Variants in CELF2 observed in about 807,000 individuals in gnomAD.
The protein encoded by CELF2 is CUG triplet repeat RNA-binding protein 2.
Under a neutral mutation model 62.6 loss-of-function variants are expected in CELF2, and 8 were observed. The observed-to-expected ratio is 0.13, with a 90% CI of 0.07 to 0.23. The LOEUF (loss-of-function observed/expected upper bound fraction) is 0.23, where lower values mean the gene tolerates loss of function less well. CELF2 is among the 10% of genes least tolerant of loss of function. The probability of loss-of-function intolerance (pLI) is 1.00; values close to 1 mark genes in which losing one functional copy is unlikely to be tolerated. For missense variants in CELF2, 333 were observed against 671.0 expected (o/e 0.50, Z 5.56); for synonymous variants, 258 against 250.0 (o/e 1.03, Z -0.30).
chr10:11,189,899 T>C lies in CELF2; in HGVS notation c.271+24217T>C, dbSNP rs1330565002. ...TCCAGGTCTTCCATAAACCATTCTGTTCTTTCTCCTCTCATTCCCTTCATT... is the reference window on the plus strand; with the variant it reads ...TCCAGGTCTTCCATAAACCATTCTGCTCTTTCTCCTCTCATTCCCTTCATT... On this transcript the variant is annotated intron_variant, in intron 2 of 12. Coordinates refer to ENST00000633077, the MANE Select transcript of CELF2 (RefSeq NM_001326342.2). 3.3e-5 allele frequency among the ~76,000 whole-genome samples: 5 copies of C among 152,216 alleles called. No individual in the cohort carries two copies. In the East Asian group the frequency reaches 7.7e-4, roughly 23 times the overall value.
intron 1 of CELF2, among the ~76,000 whole-genome samples, chr10:10,860,035 T>A (rs999608296): frequency 6.6e-6 from 1 of 152,126 alleles, no homozygotes; most frequent in Non-Finnish European, 1.5e-5. Flanking sequence ...AATAAATCCA[T>A]TACATGTTAA....
chr10:10,959,146 A>G (rs1237130170), intron 2 of CELF2, among the ~76,000 whole-genome samples: 1 of 152,096 alleles, frequency 6.6e-6, no homozygotes, highest in Non-Finnish European at 1.5e-5. Flanking sequence ...GCTACCAAGC[A>G]TGGTGGTAGC....
In CELF2 at chr10:11,227,225, T is replaced by C. The variant is rs2066938621; in HGVS notation, c.354+9718T>C. Among the ~76,000 whole-genome samples, 2 of 152,210 alleles carry C rather than the reference T, an allele frequency of 1.3e-5. No individual in the cohort carries two copies. The highest frequency in any genetic ancestry group is 4.1e-4 in the South Asian group (2 of 4,826). On this transcript the variant is annotated intron_variant, in intron 3 of 12. Transcript: ENST00000633077. The surrounding 1 kb of genome is among the most constrained non-coding windows in gnomAD (Gnocchi z 4.8). ...GGAGGCCTTTAGAAAGGAACTGTTC[T>C]ACCCTGTTGTTTTACTAATGAGGAA...
chr10:10,706,819 G>A, the CELF2 span, among the ~76,000 whole-genome samples: 8 of 152,208 alleles, frequency 5.3e-5, no homozygotes, highest in African/African-American at 1.4e-4. Flanking sequence ...AACTTTAAAC[G>A]CTCTAGTTTT....
intron 1 of CELF2, among the ~76,000 whole-genome samples, chr10:10,808,750 A>G (rs1463040083): frequency 6.6e-6 from 1 of 152,176 alleles, no homozygotes; most frequent in African/African-American, 2.4e-5. Flanking sequence ...ACAGAAAATT[A>G]TTTTTATGAG....
the CELF2 span, among the ~76,000 whole-genome samples, chr10:10,679,247 C>G: frequency 6.6e-6 from 1 of 151,974 alleles, no homozygotes; most frequent in Non-Finnish European, 1.5e-5. Context: ...GGCAGTAGCC[C>G]CTGAGTAATA....
chr10:10,620,053 G>A, the CELF2 span, among the ~76,000 whole-genome samples: 2 of 152,198 alleles, frequency 1.3e-5, no homozygotes, highest in African/African-American at 4.8e-5. Context: ...GAGATGAAAG[G>A]AAATGAATTC....
chr10:10,512,580 T>A, the CELF2 span, among the ~76,000 whole-genome samples: 1 of 128,426 alleles, frequency 7.8e-6, no homozygotes, highest in Non-Finnish European at 1.8e-5. Flanking sequence ...CCCGGCTAAC[T>A]TTTTTTGTAT....
intron 3 of CELF2, among the ~76,000 whole-genome samples, chr10:11,245,820 T>C (rs2075419214): frequency 6.6e-6 from 1 of 152,210 alleles, no homozygotes; most frequent in African/African-American, 2.4e-5. Flanking sequence ...CCCTCTTCAG[T>C]GAGTGAAGCA....
At chr10:10,540,363 G>C in the CELF2 span, among the ~76,000 whole-genome samples, 1 of 152,162 alleles carries the variant, frequency 6.6e-6, no homozygotes, top group Non-Finnish European at 1.5e-5. Flanking sequence ...CTGGGTTCCA[G>C]GCTCCAAAAT....
At chr10:11,048,825 A>AGT (rs1564515555) in intron 1 of CELF2, among the ~76,000 whole-genome samples, 1 of 152,214 alleles carries the variant, frequency 6.6e-6, no homozygotes, top group South Asian at 2.1e-4. Context: ...AAAACTCCAA[A>AGT]GTGTGTGTGC....
the CELF2 span, among the ~76,000 whole-genome samples, chr10:10,708,151 C>T: frequency 0.026 from 3,890 of 152,214 alleles, 166 homozygotes; most frequent in African/African-American, 0.089. Context: ...AAAGAAAAAA[C>T]GTCAATACAT....
upstream of CELF2, among the ~76,000 whole-genome samples, chr10:11,004,745 C>T (rs1688000940): frequency 1.3e-5 from 2 of 152,082 alleles, no homozygotes; most frequent in African/African-American, 2.4e-5. This position sits in a 1 kb window ranked among gnomAD's most constrained non-coding sequence, Gnocchi z 5.0. Context: ...TCCAAATCCT[C>T]GATCTCTATG....
At position 11,244,940 on chromosome 10, in the gene CELF2, A is replaced by G. The variant is rs1268233018; in HGVS notation, c.355-4213A>G. ...TCTCTTCTCTGAGTTCGCACCGTACAGCTCTTACCACGTCTCTTATCACGC... is the reference window on the plus strand; with the variant it reads ...TCTCTTCTCTGAGTTCGCACCGTACGGCTCTTACCACGTCTCTTATCACGC... On this transcript the variant is annotated intron_variant, in intron 3 of 12. Coordinates refer to ENST00000633077, the MANE Select transcript of CELF2 (RefSeq NM_001326342.2). The surrounding 1 kb of genome is among the most constrained non-coding windows in gnomAD (Gnocchi z 4.2). Among the ~76,000 whole-genome samples, 2 of 152,120 alleles carry G rather than the reference A, an allele frequency of 1.3e-5. No individual in the cohort carries two copies. The highest frequency in any genetic ancestry group is 2.9e-5 in the Non-Finnish European group (2 of 68,016).
rs551293899 is a variant in CELF2 at position 10,993,894 on chromosome 10, A to T, written c.89+73895A>T. Reference sequence around the variant, plus strand: ...GGGGCCCCAATCCAGTAGGACTAGTATCCTTATCAGAAAAAAAAGACACTA... The same window carrying T: ...GGGGCCCCAATCCAGTAGGACTAGTTTCCTTATCAGAAAAAAAAGACACTA... On this transcript the variant is annotated intron_variant, in intron 2 of 13. Coordinates refer to the CELF2 transcript ENST00000636488. The surrounding 1 kb of genome is among the most constrained non-coding windows in gnomAD (Gnocchi z 5.3). Among the ~76,000 whole-genome samples, 24 of 152,312 alleles carry T rather than the reference A, an allele frequency of 1.6e-4. No homozygotes were observed. The highest frequency in any genetic ancestry group is 5.8e-4 in the African/African-American group (24 of 41,576).
In CELF2 at chr10:11,247,081, GC is replaced by G. The variant is rs1364406556; in HGVS notation, c.355-2071del. Among the ~76,000 whole-genome samples the G allele has an allele frequency of 1.3e-5, 2 of 152,220 alleles. No individual in the cohort carries two copies. Among genetic ancestry groups the G allele is most frequent in the Non-Finnish European group, 2.9e-5 (2 of 68,038 alleles). ...CTCCACCAGTGTTCCCTGGCCTGCG[GC>G]AGCAGCCTCTTAACTGTCCTCCCTG... On this transcript the variant is annotated intron_variant, in intron 3 of 12. Transcript: ENST00000633077. The surrounding 1 kb of genome is among the most constrained non-coding windows in gnomAD (Gnocchi z 5.4).
the CELF2 span, among the ~76,000 whole-genome samples, chr10:10,718,478 G>A: frequency 2.6e-5 from 4 of 152,010 alleles, no homozygotes; most frequent in Non-Finnish European, 4.4e-5. Context: ...ACAAAAATTA[G>A]CCGGGCATGG....
intron 1 of CELF2, among the ~76,000 whole-genome samples, chr10:11,121,517 A>G (rs1285612129): frequency 6.6e-6 from 1 of 152,026 alleles, no homozygotes; most frequent in Non-Finnish European, 1.5e-5. Context: ...AGGCCCTACT[A>G]TGTGGTTGGT....
the CELF2 span, among the ~76,000 whole-genome samples, chr10:10,551,284 GCC>G: frequency 6.6e-6 from 1 of 152,122 alleles, no homozygotes; most frequent in East Asian, 1.9e-4. Context: ...TTTTAGAGTT[GCC>G]CCTGATTGAG....
Sources: gnomAD v4.1 joint callset for allele counts (sites outside exome capture counted in the v4.1 genomes callset) on GRCh38, gnomAD v4.1.1 for gene constraint, Gnocchi (gnomAD v3.1) non-coding constraint, MANE v1.5 for transcripts, NCBI Gene and HGNC (gene_info 2026-07-23, HGNC 2026-07-21) for gene names.